GMDS: variants seen among roughly 807,000 people sequenced by gnomAD.
The protein encoded by GMDS is GDP-mannose 4,6-dehydratase.
In GMDS, 20 loss-of-function variants were observed where a neutral mutation model predicts 49.9. That is an observed-to-expected ratio of 0.40 (90% CI 0.28 to 0.58). The LOEUF (loss-of-function observed/expected upper bound fraction) is 0.58, where lower values mean the gene tolerates loss of function less well. Ranked by LOEUF, GMDS falls within the 20% of genes least tolerant of loss-of-function variation. The pLI is 0.42. For missense variants in GMDS, 362 were observed against 481.4 expected (o/e 0.75, Z 2.32); for synonymous variants, 177 against 178.6 (o/e 0.99, Z 0.07).
At chr6:1,644,076 G>A (rs555021730) in intron 9 of GMDS, among the ~76,000 whole-genome samples, 2 of 152,206 alleles carry the variant, frequency 1.3e-5, no homozygotes, top group South Asian at 2.1e-4. Flanking sequence ...CCGTGTCCTC[G>A]GCCTGCTCTT....
At chr6:1,977,594 ACAACT>A (rs1198326001) in intron 4 of GMDS, among the ~76,000 whole-genome samples, 1 of 152,168 alleles carries the variant, frequency 6.6e-6, no homozygotes, top group African/African-American at 2.4e-5. Flanking sequence ...GACTAGGAAA[ACAACT>A]CAACCCATGG....
chr6:2,110,352 T>C lies in GMDS; in HGVS notation c.345+5419A>G, dbSNP rs959009898. On this transcript the variant is annotated intron_variant, in intron 4 of 10. Coordinates refer to ENST00000380815, the MANE Select transcript of GMDS (RefSeq NM_001500.4). ...CTCAGAACCACCAGGAAAATGTCAC[T>C]GGAGATGACAGTTCTTTAGCTTAGG... Among the ~76,000 whole-genome samples the C allele has an allele frequency of 5.3e-5, 8 of 151,770 alleles. No homozygotes were observed. In the South Asian group the frequency reaches 1.0e-3, roughly 20 times the overall value.
intron 4 of GMDS, among the ~76,000 whole-genome samples, chr6:1,992,953 T>C (rs948769939): frequency 6.6e-6 from 1 of 152,172 alleles, no homozygotes; most frequent in Non-Finnish European, 1.5e-5. Context: ...AAAAGCACAG[T>C]GACATTTCAA....
At chr6:2,025,362 GTGTGTGTGT>G (rs1768526658) in intron 4 of GMDS, among the ~76,000 whole-genome samples, 1 of 930 alleles carries the variant, frequency 1.1e-3, no homozygotes, top group Non-Finnish European at 9.4e-3. Flanking sequence ...GGTGGGGTGT[GTGTGTGTGT>G]GTGTGTGTGT....
At chr6:1,714,784 T>C (rs896336004) in intron 9 of GMDS, among the ~76,000 whole-genome samples, 2 of 152,260 alleles carry the variant, frequency 1.3e-5, no homozygotes, top group Non-Finnish European at 2.9e-5. Context: ...TGCATATGCA[T>C]TATTGTTGAT....
At chr6:1,959,747 T>C in intron 6 of GMDS, 120 bp downstream of exon 6, 1 of 450,354 alleles carries the variant, frequency 2.2e-6, no homozygotes. Flanking sequence ...CTGACATTCA[T>C]CATAATTAGA....
At chr6:1,866,263 A>C (rs1331155413) in intron 7 of GMDS, among the ~76,000 whole-genome samples, 1 of 152,258 alleles carries the variant, frequency 6.6e-6, no homozygotes, top group Non-Finnish European at 1.5e-5. Context: ...TAGACAGTGC[A>C]TGTGTGTATA....
intron 1 of GMDS, among the ~76,000 whole-genome samples, chr6:2,149,747 T>C (rs892409177): frequency 1.3e-5 from 2 of 152,232 alleles, no homozygotes; most frequent in African/African-American, 4.8e-5. Context: ...CAGCTTTCCC[T>C]TCTTTTCCTA....
intron 4 of GMDS, among the ~76,000 whole-genome samples, chr6:2,110,521 C>T (rs1449147474): frequency 6.6e-6 from 1 of 152,166 alleles, no homozygotes; most frequent in African/African-American, 2.4e-5. Context: ...AACGCACTGG[C>T]CCCTTGACTC....
chr6:1,759,027 A>T (rs1175929932), intron 7 of GMDS, among the ~76,000 whole-genome samples: 2 of 152,128 alleles, frequency 1.3e-5, no homozygotes, highest in African/African-American at 4.8e-5. Flanking sequence ...GGTTCAAGTG[A>T]TTCTCACGCC....
chr6:1,648,951 A>G (rs1338591299), intron 9 of GMDS, among the ~76,000 whole-genome samples: 1 of 152,226 alleles, frequency 6.6e-6, no homozygotes, highest in Non-Finnish European at 1.5e-5. Flanking sequence ...TCAAGGCAAC[A>G]CTATACAGAA....
At chr6:1,716,226 C>T (rs1234995215) in intron 9 of GMDS, among the ~76,000 whole-genome samples, 1 of 152,212 alleles carries the variant, frequency 6.6e-6, no homozygotes, top group East Asian at 1.9e-4. Flanking sequence ...ATAAACAAAT[C>T]TCTCTCATGA....
At chr6:2,140,927 T>C (rs953334390) in intron 1 of GMDS, among the ~76,000 whole-genome samples, 1 of 152,134 alleles carries the variant, frequency 6.6e-6, no homozygotes, top group African/African-American at 2.4e-5. Context: ...CAGTGAACTC[T>C]GCCCTGATGG....
At chr6:1,976,940 G>A (rs1375365389) in intron 4 of GMDS, among the ~76,000 whole-genome samples, 5 of 152,102 alleles carry the variant, frequency 3.3e-5, no homozygotes, top group East Asian at 1.9e-4. Flanking sequence ...CTACTACAAC[G>A]CAGGTCAATG....
At chr6:1,915,672 C>CA (rs1731740674) in intron 7 of GMDS, among the ~76,000 whole-genome samples, 2 of 152,346 alleles carry the variant, frequency 1.3e-5, no homozygotes, top group South Asian at 2.1e-4. Flanking sequence ...ACAGCCAGCA[C>CA]AAGGGTCGGC....
At chr6:1,953,623 C>T (rs1657549685) in intron 6 of GMDS, among the ~76,000 whole-genome samples, 4 of 152,282 alleles carry the variant, frequency 2.6e-5, no homozygotes, top group Admixed American at 6.5e-5. Flanking sequence ...GGTTACATTA[C>T]ATATGTGATG....
chr6:1,996,339 CAG>C (rs1238931490), intron 4 of GMDS, among the ~76,000 whole-genome samples: 2 of 152,140 alleles, frequency 1.3e-5, no homozygotes, highest in African/African-American at 4.8e-5. Context: ...TTTTAAGAGA[CAG>C]GGGGTGGCTA....
chr6:1,669,320 G>A (rs891840899), intron 9 of GMDS, among the ~76,000 whole-genome samples: 4 of 151,830 alleles, frequency 2.6e-5, no homozygotes, highest in South Asian at 2.1e-4. Flanking sequence ...GGCCTCTGGG[G>A]TTCATTCAGG....
At chr6:2,190,089 G>A (rs888244110) in intron 1 of GMDS, among the ~76,000 whole-genome samples, 7 of 152,000 alleles carry the variant, frequency 4.6e-5, no homozygotes, top group African/African-American at 9.7e-5. Context: ...CTCAGCCAAC[G>A]GAAAACATTC....
Sources: gnomAD v4.1 joint callset for allele counts (sites outside exome capture counted in the v4.1 genomes callset) on GRCh38, gnomAD v4.1.1 for gene constraint, MANE v1.5 for transcripts, NCBI Gene and HGNC (gene_info 2026-07-23, HGNC 2026-07-21) for gene names.